The following MAD1L1 variants were observed in gnomAD, a reference collection of about 807,000 sequenced individuals.
MAD1L1 encodes the protein mitotic spindle assembly checkpoint protein MAD1.
In MAD1L1, 95 loss-of-function variants were observed where a neutral mutation model predicts 96.9. That is an observed-to-expected ratio of 0.98 (90% CI 0.83 to 1.16). MAD1L1 has a LOEUF of 1.16. Among genes scored for constraint, MAD1L1 ranks in the 50% most tolerant of loss-of-function variants. MAD1L1 has a pLI of 0.00. For missense variants in MAD1L1, 1,007 were observed against 954.4 expected (o/e 1.06, Z -0.73); for synonymous variants, 473 against 396.6 (o/e 1.19, Z -2.29).
chr7:1,889,016 A>G (rs1019574414), intron 18 of MAD1L1, among the ~76,000 whole-genome samples: 7 of 152,200 alleles, frequency 4.6e-5, no homozygotes, highest in Non-Finnish European at 5.9e-5. Context: ...AGTGGCAGGG[A>G]TCCACTCAGC....
chr7:2,186,678 A>G (rs2128604262), intron 10 of MAD1L1, among the ~76,000 whole-genome samples: 1 of 152,368 alleles, frequency 6.6e-6, no homozygotes, highest in Non-Finnish European at 1.5e-5. Context: ...TGTGAGTCCA[A>G]CTTGTGAGCC....
intron 11 of MAD1L1, among the ~76,000 whole-genome samples, chr7:2,130,474 G>T (rs1023402035): frequency 2.0e-5 from 3 of 152,150 alleles, no homozygotes; most frequent in Non-Finnish European, 4.4e-5. Context: ...TCTGCGGCAG[G>T]TCTGGGAAAG....
At chr7:1,959,034 T>A (rs991096172) in intron 15 of MAD1L1, among the ~76,000 whole-genome samples, 6 of 152,182 alleles carry the variant, frequency 3.9e-5, no homozygotes, top group Non-Finnish European at 8.8e-5. Context: ...GCTGGATCGC[T>A]TGAGGCCAGG....
chr7:2,090,975 T>C (rs756536453), intron 11 of MAD1L1, among the ~76,000 whole-genome samples: 2 of 152,210 alleles, frequency 1.3e-5, no homozygotes, highest in Non-Finnish European at 2.9e-5. Flanking sequence ...ATCTGCCCCA[T>C]TGAGTCACGC....
At chr7:2,077,718 C>G (rs1282801341) in intron 11 of MAD1L1, among the ~76,000 whole-genome samples, 1 of 152,242 alleles carries the variant, frequency 6.6e-6, no homozygotes, top group Non-Finnish European at 1.5e-5. Context: ...ATCCAGGAGG[C>G]TAGCAGGGAG....
At chr7:1,973,898 C>G (rs188363306) in intron 15 of MAD1L1, among the ~76,000 whole-genome samples, 1 of 152,230 alleles carries the variant, frequency 6.6e-6, no homozygotes, top group African/African-American at 2.4e-5. Context: ...GCTGACCCTG[C>G]CCAGCACAGA....
At chr7:1,990,341 G>A (rs1257309671) in intron 14 of MAD1L1, among the ~76,000 whole-genome samples, 3 of 152,282 alleles carry the variant, frequency 2.0e-5, no homozygotes, top group East Asian at 1.9e-4. Flanking sequence ...CCACCTTTCC[G>A]CTCAACTCTG....
intron 15 of MAD1L1, among the ~76,000 whole-genome samples, chr7:1,972,742 T>C (rs1780461207): frequency 1.3e-5 from 2 of 152,306 alleles, no homozygotes; most frequent in Middle Eastern, 6.8e-3. Context: ...CTCCAGGTTA[T>C]TGAGATAGGA....
chr7:2,047,882 C>T (rs771590537), intron 12 of MAD1L1, among the ~76,000 whole-genome samples: 6 of 152,090 alleles, frequency 3.9e-5, no homozygotes, highest in Admixed American at 6.5e-5. Flanking sequence ...CACAGCTCAC[C>T]AGTACAGATA....
intron 18 of MAD1L1, among the ~76,000 whole-genome samples, chr7:1,886,475 T>C (rs1017921792): frequency 1.3e-5 from 2 of 152,186 alleles, no homozygotes; most frequent in African/African-American, 2.4e-5. Flanking sequence ...CCTCGATTCA[T>C]GAGTCGACAC....
Position 2,002,091 on chromosome 7 carries a change from C to G in MAD1L1, c.1390G>C (p.Gly464Arg), listed in dbSNP as rs200081280. The change falls in exon 14 of 19, where the codon GGA becomes CGA. Residue 464 changes from glycine to arginine, a missense_variant. By Grantham distance (125) the Gly-to-Arg change is moderately radical. Coordinates refer to ENST00000265854, the MANE Select transcript of MAD1L1 (RefSeq NM_001013836.2). Reference protein sequence around the residue: ...AQLSQALEELGGQKQRADMLE... With the variant: ...AQLSQALEELRGQKQRADMLE... ...ATGTCTGCTCTTTGTTTCTGGCCTC[C>G]CAGCTCCTCCAGGGCCTGCGACAGC... 15 of 1,613,282 alleles carry G rather than the reference C, an allele frequency of 9.3e-6. No individual in the cohort carries two copies. In the East Asian group the frequency reaches 3.1e-4, roughly 34 times the overall value.
intron 18 of MAD1L1, among the ~76,000 whole-genome samples, chr7:1,831,854 G>C (rs1320153053): frequency 6.6e-6 from 1 of 152,176 alleles, no homozygotes; most frequent in East Asian, 1.9e-4. Context: ...TAAGCCCACT[G>C]TTGAGACCTC....
chr7:2,159,866 A>G (rs1159612568), intron 10 of MAD1L1, among the ~76,000 whole-genome samples: 1 of 152,238 alleles, frequency 6.6e-6, no homozygotes, highest in African/African-American at 2.4e-5. Flanking sequence ...GAAGCGGACT[A>G]TAAGTATGCT....
chr7:2,022,086 G>A (rs1403880908), intron 12 of MAD1L1, among the ~76,000 whole-genome samples: 10 of 152,072 alleles, frequency 6.6e-5, no homozygotes, highest in Admixed American at 6.5e-5. Flanking sequence ...CTCCCAAGTC[G>A]CTGGGACTGC....
At chr7:1,832,459 C>T (rs2128627525) in intron 18 of MAD1L1, among the ~76,000 whole-genome samples, 1 of 147,740 alleles carries the variant, frequency 6.8e-6, no homozygotes, top group Admixed American at 6.8e-5. Context: ...CAAAGTACAT[C>T]AACTTAGTTG....
chr7:1,914,878 C>T (rs1335908309), intron 17 of MAD1L1, among the ~76,000 whole-genome samples: 4 of 152,216 alleles, frequency 2.6e-5, no homozygotes, highest in South Asian at 2.1e-4. Context: ...CCTCCCAAAG[C>T]GTTGGGATGA....
At chr7:1,972,516 T>C (rs1448448107) in intron 15 of MAD1L1, among the ~76,000 whole-genome samples, 3 of 152,222 alleles carry the variant, frequency 2.0e-5, no homozygotes, top group Non-Finnish European at 2.9e-5. Context: ...CCTGTAGTGA[T>C]GGCCCCTATT....
chr7:1,816,080 G>C lies in MAD1L1; in HGVS notation c.2147C>G (p.Thr716Ser), dbSNP rs1288668219. 1.2e-6 allele frequency: 2 copies of C among 1,610,656 alleles called. No individual in the cohort carries two copies. The highest frequency in any genetic ancestry group is 1.7e-6 in the Non-Finnish European group (2 of 1,178,682). Reference sequence around the variant, plus strand: ...CCCCGAGCCTGCAGGCTACGCCACGGTCTGGCGGCTGAAGAGCTCGAGGGT... The same window carrying C: ...CCCCGAGCCTGCAGGCTACGCCACGCTCTGGCGGCTGAAGAGCTCGAGGGT... ...SLTLELFSRQ[T>S]VA The change falls in exon 19 of 19, where the codon ACC (threonine) becomes AGC (serine). Residue 716 changes from threonine to serine, a missense_variant. Transcript: ENST00000265854.
intron 3 of MAD1L1, among the ~76,000 whole-genome samples, chr7:2,226,986 CAA>C (rs34846451): frequency 8.0e-6 from 1 of 124,394 alleles, no homozygotes. Context: ...GAGTTCGTCT[CAA>C]AAAAAAAAAA....
Sources: allele counts gnomAD v4.1 joint callset (sites outside exome capture counted in the v4.1 genomes callset), GRCh38; gene constraint gnomAD v4.1.1; transcripts MANE v1.5; gene names NCBI Gene and HGNC (gene_info 2026-07-23, HGNC 2026-07-21).